NCOR1: variants seen among roughly 807,000 people sequenced by gnomAD.
NCOR1 encodes nuclear receptor corepressor 1.
NCOR1 carries 63 observed loss-of-function variants against 288.1 expected under a neutral mutation model. The observed-to-expected ratio is 0.22, with a 90% CI of 0.18 to 0.27. The LOEUF (loss-of-function observed/expected upper bound fraction) is 0.27, where lower values mean the gene tolerates loss of function less well. NCOR1 is among the 10% of genes least tolerant of loss of function. The pLI, the probability that NCOR1 is intolerant of heterozygous loss-of-function variation, is 1.00. For missense variants in NCOR1, 2,397 were observed against 3,019.2 expected (o/e 0.79, Z 4.83); for synonymous variants, 1,007 against 1,065.9 (o/e 0.94, Z 1.08).
At chr17:16,076,384 G>C (rs1468842792) in intron 26 of NCOR1, among the ~76,000 whole-genome samples, 1 of 152,206 alleles carries the variant, frequency 6.6e-6, no homozygotes. Flanking sequence ...GGTGGTTCAA[G>C]AAGTTTTACA....
intron 33 of NCOR1, 28 bp downstream of exon 33, chr17:16,065,457 A>G: frequency 6.2e-7 from 1 of 1,609,202 alleles, no homozygotes; most frequent in Non-Finnish European, 8.5e-7. Flanking sequence ...AATAAATTCT[A>G]CGAAATCTGA....
rs544422837 is a variant in NCOR1, at chr17:16,096,154, T to C, written c.2820+2213A>G. On this transcript the variant is annotated intron_variant, in intron 21 of 45. Coordinates refer to ENST00000268712, the MANE Select transcript of NCOR1 (RefSeq NM_006311.4). ...CATACTCGTTGAGAGTCATCACCAC[T>C]CCCCAATCTCAAGTACCAGGGACAC... 8.5e-5 allele frequency among the ~76,000 whole-genome samples: 13 copies of C among 152,172 alleles called. No individual in the cohort carries two copies. The East Asian group carries it at 2.5e-3, about 29-fold the overall frequency.
At chr17:16,213,032 G>C (rs1476361641) in intron 1 of NCOR1, among the ~76,000 whole-genome samples, 2 of 140,390 alleles carry the variant, frequency 1.4e-5, no homozygotes, top group African/African-American at 5.4e-5. Flanking sequence ...CTGTATTTCA[G>C]CCTGGGCAAA....
chr17:16,108,179 CAAA>C lies in NCOR1; in HGVS notation c.2182+604_2182+606del, dbSNP rs35417050. 920 of 146,714 alleles carry C rather than the reference CAAA, an allele frequency of 6.3e-3. 1 individual carries two copies. Among genetic ancestry groups the C allele is most frequent in the South Asian group, 0.015 (138 of 9,114 alleles). The allele number at this position is 146,714 out of a possible 1,614,324, so 9.1% of individuals were successfully genotyped here. A position where few individuals can be genotyped will look rare whatever the true frequency, so the allele number is the denominator to read the frequency against. On this transcript the variant is annotated intron_variant, in intron 19 of 45. Coordinates refer to ENST00000268712, the MANE Select transcript of NCOR1 (RefSeq NM_006311.4). ...AAATCCCCACATCAGAAGCAATTTCCAAAAAAAAAAAAAAAAAATCCACAGAAA... is the reference window on the plus strand; with the variant it reads ...AAATCCCCACATCAGAAGCAATTTCCAAAAAAAAAAAAAAATCCACAGAAA...
intron 14 of NCOR1, among the ~76,000 whole-genome samples, chr17:16,136,402 G>C (rs1175152967): frequency 6.6e-6 from 1 of 152,104 alleles, no homozygotes; most frequent in African/African-American, 2.4e-5. Context: ...ATGTTGCCTA[G>C]GCTGGTCTTG....
chr17:16,077,477 GGAGA>G, intron 26 of NCOR1, among the ~76,000 whole-genome samples: 2 of 21,718 alleles, frequency 9.2e-5, no homozygotes, highest in African/African-American at 2.1e-4. Context: ...GGAGAGGGGA[GGAGA>G]GGGGAGGAGA....
intron 23 of NCOR1, among the ~76,000 whole-genome samples, chr17:16,082,415 C>T (rs1374842342): frequency 6.6e-6 from 1 of 152,022 alleles, no homozygotes; most frequent in Non-Finnish European, 1.5e-5. Context: ...TAAAATAAAC[C>T]ATGTCTAAAT....
At chr17:16,195,421 A>C (rs1320612916) in intron 1 of NCOR1, among the ~76,000 whole-genome samples, 2 of 152,122 alleles carry the variant, frequency 1.3e-5, no homozygotes, top group Non-Finnish European at 2.9e-5. Context: ...CAGTGAGCCG[A>C]GATCACGCCA....
At chr17:16,202,139 G>A (rs1393143452) in intron 1 of NCOR1, among the ~76,000 whole-genome samples, 7 of 149,866 alleles carry the variant, frequency 4.7e-5, no homozygotes, top group South Asian at 2.1e-4. Context: ...CAGGAGAATC[G>A]CTTGAACCCG....
intron 1 of NCOR1, among the ~76,000 whole-genome samples, chr17:16,211,954 A>T (rs77644223): frequency 0.05 from 7,535 of 152,172 alleles, 229 homozygotes; most frequent in African/African-American, 0.093. Flanking sequence ...TATTTTTTGC[A>T]TCCTCAAACC....
At chr17:16,155,082 T>A (rs1054907483) in intron 6 of NCOR1, among the ~76,000 whole-genome samples, 2 of 152,170 alleles carry the variant, frequency 1.3e-5, no homozygotes, top group African/African-American at 2.4e-5. Context: ...CAGGTCATGG[T>A]GGCTCACGCC....
chr17:16,178,651 C>T (rs190034946), intron 3 of NCOR1, among the ~76,000 whole-genome samples: 5 of 152,108 alleles, frequency 3.3e-5, no homozygotes, highest in Admixed American at 3.3e-4. Context: ...TTCCGTGAAT[C>T]CCACTTTTCT....
Position 16,047,543 on chromosome 17 carries a change from A to G in NCOR1, c.6537-450T>C, listed in dbSNP as rs139036166. 7.9e-5 allele frequency among the ~76,000 whole-genome samples: 12 copies of G among 152,356 alleles called. No individual in the cohort carries two copies. The East Asian group carries it at 2.3e-3, about 29-fold the overall frequency. ...CTTGACTACAAAATAGCAAGAACTC[A>G]TATCTAAGCAATCAACAGCTGGACT... is the stretch of plus-strand genomic sequence containing the variant. On this transcript the variant is annotated intron_variant, in intron 41 of 45. Coordinates refer to ENST00000268712, the MANE Select transcript of NCOR1 (RefSeq NM_006311.4).
At chr17:16,169,711 A>T (rs2082747166) in intron 4 of NCOR1, among the ~76,000 whole-genome samples, 1 of 152,198 alleles carries the variant, frequency 6.6e-6, no homozygotes, top group Non-Finnish European at 1.5e-5. Context: ...ACACTACAAC[A>T]CAACACGTCC....
chr17:16,136,754 C>A (rs1388612701), intron 14 of NCOR1, among the ~76,000 whole-genome samples: 2 of 147,982 alleles, frequency 1.4e-5, no homozygotes, highest in African/African-American at 2.6e-5. Context: ...TTGCAGTGAG[C>A]CAAGATAGCA....
intron 10 of NCOR1, among the ~76,000 whole-genome samples, chr17:16,145,134 C>T (rs1215731162): frequency 6.6e-6 from 1 of 152,230 alleles, no homozygotes; most frequent in African/African-American, 2.4e-5. Flanking sequence ...CTCCTGACCG[C>T]GAGTGATCTG....
chr17:16,070,383 C>T lies in NCOR1; in HGVS notation c.4295G>A (p.Arg1432Gln), dbSNP rs752200783. ...IVPENIKVVE[R>Q]GKYEDVKAGE... ...TGCTTTCACATCCTCATATTTTCCC[C>T]GTTCTACCACTTTTATGTTCTCTGG... Residue 1432 changes from arginine (R) to glutamine (Q), a missense_variant, in exon 31 of 46, where the codon CGG becomes CAG. Arg to Gln is a conservative substitution (Grantham distance 43). Coordinates refer to ENST00000268712, the MANE Select transcript of NCOR1 (RefSeq NM_006311.4). The T allele has an allele frequency of 2.6e-5, 42 of 1,614,054 alleles. No homozygotes were observed. Among genetic ancestry groups the T allele is most frequent in the Non-Finnish European group, 2.9e-5 (34 of 1,180,040 alleles).
At chr17:16,107,827 TC>T (rs1157118754) in intron 19 of NCOR1, among the ~76,000 whole-genome samples, 3 of 151,840 alleles carry the variant, frequency 2.0e-5, no homozygotes, top group African/African-American at 7.3e-5. Context: ...TCACAAACCC[TC>T]CCAAAAACAA....
At chr17:16,101,942 G>A in intron 19 of NCOR1, 185 bp from the exon 20 acceptor site, 1 of 726,054 alleles carries the variant, frequency 1.4e-6, no homozygotes, top group Admixed American at 3.0e-5. Context: ...CAGCCATTGA[G>A]AAGGCTAAAG....
Sources: gnomAD v4.1 joint callset for allele counts (sites outside exome capture counted in the v4.1 genomes callset) on GRCh38, gnomAD v4.1.1 for gene constraint, MANE v1.5 for transcripts, NCBI Gene and HGNC (gene_info 2026-07-23, HGNC 2026-07-21) for gene names.